ARSB: variants seen among roughly 807,000 people sequenced by gnomAD.
The protein encoded by ARSB is arylsulfatase B.
A neutral mutation model predicts 50.9 loss-of-function variants in ARSB; 41 were observed. The observed-to-expected ratio is 0.81, with a 90% CI of 0.63 to 1.04. The LOEUF is 1.04. Ranked by LOEUF, ARSB falls within the 50% of genes least tolerant of loss-of-function variation. The pLI is 0.00. For synonymous variants in ARSB, 269 were observed against 284.8 expected, an observed-to-expected ratio of 0.94 and a Z score of 0.56; for missense variants, 672 against 693.3, an observed-to-expected ratio of 0.97 and a Z score of 0.35.
chr5:78,866,888 G>A (rs1246637911), intron 5 of ARSB, among the ~76,000 whole-genome samples: 1 of 152,208 alleles, frequency 6.6e-6, no homozygotes, highest in Non-Finnish European at 1.5e-5. Flanking sequence ...GGTGATTTCT[G>A]CATTTCCATC....
intron 6 of ARSB, among the ~76,000 whole-genome samples, chr5:78,790,451 T>C (rs1239428706): frequency 6.6e-6 from 1 of 152,214 alleles, no homozygotes; most frequent in African/African-American, 2.4e-5. Flanking sequence ...CTTTTTAAAC[T>C]TCCCATGCCT....
intron 6 of ARSB, among the ~76,000 whole-genome samples, chr5:78,798,315 T>G (rs1333557233): frequency 6.6e-6 from 1 of 151,958 alleles, no homozygotes; most frequent in Admixed American, 6.6e-5. Flanking sequence ...GGTCTGTCTC[T>G]GTCTAAATAC....
chr5:78,911,737 G>T (rs1749322813), intron 4 of ARSB, among the ~76,000 whole-genome samples: 1 of 151,950 alleles, frequency 6.6e-6, no homozygotes, highest in Admixed American at 6.6e-5. Flanking sequence ...GAATCACAAA[G>T]AGACGAGAGA....
chr5:78,932,813 A>G (rs1750394115), intron 4 of ARSB, among the ~76,000 whole-genome samples: 1 of 152,104 alleles, frequency 6.6e-6, no homozygotes, highest in Admixed American at 6.6e-5. Flanking sequence ...ATCATTCTCC[A>G]TTATTTTCTC....
chr5:78,834,988 ACTCT>A (rs1167504291), intron 6 of ARSB, among the ~76,000 whole-genome samples: 3 of 79,986 alleles, frequency 3.8e-5, no homozygotes. Context: ...TCCTTTTTCC[ACTCT>A]CTCTCCTTTT....
intron 6 of ARSB, among the ~76,000 whole-genome samples, chr5:78,811,207 C>G (rs1561435211): frequency 6.6e-6 from 1 of 152,164 alleles, no homozygotes; most frequent in Non-Finnish European, 1.5e-5. Flanking sequence ...GGTCTTGCCC[C>G]CATTTCCTAG....
At chr5:78,809,436 G>A (rs948846381) in intron 6 of ARSB, among the ~76,000 whole-genome samples, 4 of 152,254 alleles carry the variant, frequency 2.6e-5, no homozygotes, top group African/African-American at 9.6e-5. Flanking sequence ...ATAACACAGT[G>A]CCTCTCTTCT....
chr5:78,839,906 A>G (rs1745122967), intron 5 of ARSB, among the ~76,000 whole-genome samples: 1 of 152,180 alleles, frequency 6.6e-6, no homozygotes, highest in Non-Finnish European at 1.5e-5. Context: ...TGCAACACGG[A>G]TCTTAGATTT....
intron 4 of ARSB, among the ~76,000 whole-genome samples, chr5:78,945,676 CCCTGGGTCATGCTCTCTAG>C (rs1751195569): frequency 6.6e-6 from 1 of 152,152 alleles, no homozygotes; most frequent in Non-Finnish European, 1.5e-5. Flanking sequence ...CTGAGTGGAC[CCCTGGGTCATGCTCTCTAG>C]CCTCACATCT....
intron 6 of ARSB, among the ~76,000 whole-genome samples, chr5:78,832,369 A>G (rs752314814): frequency 5.3e-5 from 8 of 152,128 alleles, no homozygotes; most frequent in African/African-American, 1.2e-4. Context: ...GGCTGTGTCC[A>G]TGCCCTCTTC....
chr5:78,978,706 C>G (rs1752773165), intron 1 of ARSB, among the ~76,000 whole-genome samples: 1 of 152,154 alleles, frequency 6.6e-6, no homozygotes, highest in Admixed American at 6.6e-5. Context: ...CGTCTATGGT[C>G]AATTGAGTCT....
In ARSB at chr5:78,944,072, G is replaced by A. The variant is rs371831277; in HGVS notation, c.898+11223C>T. 6.6e-5 allele frequency among the ~76,000 whole-genome samples: 10 copies of A among 152,226 alleles called. No homozygotes were observed. The South Asian group carries it at 2.1e-3, about 32-fold the overall frequency. Reference sequence around the variant, plus strand: ...CCCTTTCTTCCAGTTGATCAAATCGGCTACTGAGTCTTGTGCATTCGTCAC... The same window carrying A: ...CCCTTTCTTCCAGTTGATCAAATCGACTACTGAGTCTTGTGCATTCGTCAC... On this transcript the variant is annotated intron_variant, in intron 4 of 7. Transcript: ENST00000264914.
At chr5:78,985,799 G>C (rs1378761199), upstream of ARSB, 1 of 152,246 alleles carries the variant, frequency 6.6e-6, no homozygotes, top group Non-Finnish European at 1.5e-5. Context: ...GGAGGACGGT[G>C]AAAAGGCAGA....
chr5:78,859,068 T>G (rs1006200714), intron 5 of ARSB, among the ~76,000 whole-genome samples: 3 of 152,192 alleles, frequency 2.0e-5, no homozygotes, highest in Non-Finnish European at 2.9e-5. Flanking sequence ...CCGGTGAAAC[T>G]CCTTACAGGA....
intron 5 of ARSB, among the ~76,000 whole-genome samples, chr5:78,849,347 C>T (rs1267714824): frequency 6.6e-6 from 1 of 152,068 alleles, no homozygotes; most frequent in Admixed American, 6.6e-5. Flanking sequence ...GCTTGTTTTT[C>T]TCAGGTTTGT....
intron 6 of ARSB, chr5:78,816,258 T>C: frequency 1.4e-5 from 21 of 1,512,802 alleles, no homozygotes; most frequent in Non-Finnish European, 1.9e-5. Context: ...GTCTCCTTCA[T>C]TATTCTAGTG....
chr5:78,932,989 G>T (rs1464207056), intron 4 of ARSB, among the ~76,000 whole-genome samples: 2 of 152,150 alleles, frequency 1.3e-5, no homozygotes, highest in East Asian at 3.9e-4. Flanking sequence ...CATTGTCAAT[G>T]TCACACCATT....
intron 4 of ARSB, among the ~76,000 whole-genome samples, chr5:78,917,012 G>C (rs994862708): frequency 2.6e-5 from 4 of 152,218 alleles, no homozygotes; most frequent in African/African-American, 4.8e-5. Context: ...ACTGTGGTGA[G>C]TGCCAGGACA....
intron 2 of ARSB, among the ~76,000 whole-genome samples, chr5:78,964,956 T>C (rs1752144778): frequency 6.6e-6 from 1 of 152,182 alleles, no homozygotes; most frequent in East Asian, 1.9e-4. Context: ...ATGTGACTTG[T>C]TACAGGTTTT....
Sources: allele counts gnomAD v4.1 joint callset (sites outside exome capture counted in the v4.1 genomes callset), GRCh38; gene constraint gnomAD v4.1.1; transcripts MANE v1.5; gene names NCBI Gene and HGNC (gene_info 2026-07-23, HGNC 2026-07-21).